Variants in MINAR1 observed in about 807,000 individuals in gnomAD.
MINAR1 encodes the protein membrane integral NOTCH2 associated receptor 1, also known as major intrinsically disordered Notch2-binding receptor 1.
MINAR1 carries 40 observed loss-of-function variants against 65.1 expected under a neutral mutation model. The observed-to-expected ratio is 0.61, with a 90% CI of 0.48 to 0.80. MINAR1 has a LOEUF of 0.80. Ranked by LOEUF, MINAR1 falls within the 30% of genes least tolerant of loss-of-function variation. The pLI is 0.00. For synonymous variants in MINAR1, 482 were observed against 449.1 expected, an observed-to-expected ratio of 1.07 and a Z score of -0.93; for missense variants, 1,128 against 1,148.0, an observed-to-expected ratio of 0.98 and a Z score of 0.25.
rs117139469 is a variant in MINAR1 at position 79,451,148 on chromosome 15, G to A, written c.-50-4950G>A. ...TCCGACTTATTAAATGGGGCTTCTT[G>A]GTCCCAAAATCTGGAGGCCCATGGT... On this transcript the variant is annotated intron_variant, in intron 1 of 3. Coordinates refer to ENST00000305428, the MANE Select transcript of MINAR1 (RefSeq NM_015206.3). 1.1e-3 allele frequency among the ~76,000 whole-genome samples: 173 copies of A among 152,202 alleles called. 3 individuals are homozygous for A. The East Asian group carries it at 0.026, about 23-fold the overall frequency.
chr15:79,455,027 TAAG>T (rs751972303), intron 1 of MINAR1, among the ~76,000 whole-genome samples: 8 of 152,198 alleles, frequency 5.3e-5, no homozygotes, highest in African/African-American at 1.2e-4. Context: ...ATCAAAAAAA[TAAG>T]AAAGCTTGAT....
rs1359986200 is a variant in MINAR1 at position 79,432,355 on chromosome 15, G to T, written c.-236G>T. Among the ~76,000 whole-genome samples the T allele has an allele frequency of 2.6e-5, 4 of 152,106 alleles. No homozygotes were observed. Among genetic ancestry groups the T allele is most frequent in the African/African-American group, 9.7e-5 (4 of 41,430 alleles). On this transcript the variant is annotated 5_prime_UTR_variant, in exon 1 of 4. Transcript: ENST00000305428. ...GAGCGCAGACCTGGACTCGGGCGGCGGAGGCGAAAGTCGCTCCATCCGCGG... is the reference window on the plus strand; with the variant it reads ...GAGCGCAGACCTGGACTCGGGCGGCTGAGGCGAAAGTCGCTCCATCCGCGG...
chr15:79,459,738 TC>T (rs1338867194), intron 2 of MINAR1, among the ~76,000 whole-genome samples: 1 of 152,044 alleles, frequency 6.6e-6, no homozygotes, highest in Non-Finnish European at 1.5e-5. Flanking sequence ...GTATTTAAAA[TC>T]CCCCTGATTT....
At chr15:79,465,274 A>C (rs551806874) in intron 3 of MINAR1, among the ~76,000 whole-genome samples, 1 of 152,122 alleles carries the variant, frequency 6.6e-6, no homozygotes, top group African/African-American at 2.4e-5. Flanking sequence ...TTTTCTTTTC[A>C]TCTCTTTGCA....
the MINAR1 span, chr15:79,424,547 G>T: frequency 6.6e-6 from 1 of 152,206 alleles, no homozygotes; most frequent in South Asian, 2.1e-4. Flanking sequence ...CCCTGCTGCA[G>T]CGTGAGGATA....
chr15:79,411,541 G>C, the MINAR1 span: 1 of 700,402 alleles, frequency 1.4e-6, no homozygotes, highest in Non-Finnish European at 2.6e-6. Context: ...AGTGGATGGA[G>C]GGAAGACACA....
At chr15:79,421,811 C>G in the MINAR1 span, 2 of 152,378 alleles carry the variant, frequency 1.3e-5, no homozygotes, top group Admixed American at 1.3e-4. Flanking sequence ...GAGCACTTCT[C>G]CAGGGAAGGC....
In MINAR1 at chr15:79,472,282, A is replaced by G. The variant is rs1222945145; in HGVS notation, c.*3898A>G. ...ATTGGCCTCTCCAAATATAATCAGA[A>G]ATAAACCGAAAAAAATATAAAATGT... On this transcript the variant is annotated 3_prime_UTR_variant, in exon 4 of 4. Transcript: ENST00000305428. 6.6e-6 allele frequency: 1 copy of G among 152,356 alleles called. No individual in the cohort carries two copies. Among genetic ancestry groups the G allele is most frequent in the Non-Finnish European group, 1.5e-5 (1 of 67,884 alleles). 9.4% of individuals were successfully genotyped at this position (152,356 alleles called of 1,614,324 possible).
Position 79,456,373 on chromosome 15 carries a change from C to T in MINAR1, c.226C>T (p.Gln76Ter). The change falls in exon 2 of 4, where the codon CAG becomes TAG. Residue 76 changes from glutamine (Q) to a stop codon, truncating the protein, a stop_gained. Transcript: ENST00000305428. LOFTEE classifies it high-confidence loss of function. ...KDKMKCTVNN[Q>*]QSKKIMVAAD... ...CAAGATGAAATGCACTGTGAATAAC[C>T]AGCAATCAAAGAAAATCATGGTGGC... 5.6e-6 allele frequency: 9 copies of T among 1,614,202 alleles called. No homozygotes were observed. The highest frequency in any genetic ancestry group is 7.6e-6 in the Non-Finnish European group (9 of 1,180,040).
rs563792096 is a variant in MINAR1, at chr15:79,458,214, C to T, written c.2067C>T (p.Ser689=). The T allele has an allele frequency of 6.2e-7, 1 of 1,614,050 alleles. No individual in the cohort carries two copies. Among genetic ancestry groups the T allele is most frequent in the East Asian group, 2.2e-5 (1 of 44,862 alleles). Residue 689 remains serine, a synonymous_variant, in exon 2 of 4, where the codon AGC becomes AGT. Coordinates refer to ENST00000305428, the MANE Select transcript of MINAR1 (RefSeq NM_015206.3). The stretch of plus-strand genomic sequence containing the variant: ...GGTGCTGCTCTGATGCTAGCGGGAG[C>T]AACAGTGAAAGCCTGCGGGTCAAGG... ...PDWCCSDASG[S]NSESLRVKAL...
the MINAR1 span, chr15:79,416,689 A>G: frequency 1.5e-4 from 23 of 152,166 alleles, no homozygotes; most frequent in Admixed American, 1.4e-3. Flanking sequence ...GTGAGACTAA[A>G]TCTAACAATC....
At chr15:79,441,675 A>G (rs982541620) in intron 1 of MINAR1, among the ~76,000 whole-genome samples, 4 of 152,144 alleles carry the variant, frequency 2.6e-5, no homozygotes, top group Admixed American at 2.6e-4. Flanking sequence ...CCAGGAATAC[A>G]TGGGAGTGCC....
At chr15:79,449,056 G>GA (rs545292852) in intron 1 of MINAR1, among the ~76,000 whole-genome samples, 15 of 151,898 alleles carry the variant, frequency 9.9e-5, no homozygotes, top group Non-Finnish European at 2.1e-4. Context: ...AGGGTAATGG[G>GA]AAAAAAAATC....
chr15:79,422,532 G>C, the MINAR1 span: 1 of 147,444 alleles, frequency 6.8e-6, no homozygotes, highest in Non-Finnish European at 1.5e-5. Context: ...TGGGCAACGA[G>C]AGTGAAACTC....
intron 1 of MINAR1, among the ~76,000 whole-genome samples, chr15:79,432,826 G>A (rs1227597337): frequency 1.3e-5 from 2 of 152,186 alleles, no homozygotes; most frequent in East Asian, 1.9e-4. Flanking sequence ...GAGAAGCCAC[G>A]GAAGATGATC....
At chr15:79,434,869 G>A (rs1894550380) in intron 1 of MINAR1, among the ~76,000 whole-genome samples, 1 of 149,062 alleles carries the variant, frequency 6.7e-6, no homozygotes, top group African/African-American at 2.6e-5. Context: ...TTTAATGCAT[G>A]CTTGTTTTCA....
chr15:79,428,176 C>T (rs1228470191), upstream of MINAR1, among the ~76,000 whole-genome samples: 1 of 149,132 alleles, frequency 6.7e-6, no homozygotes, highest in Non-Finnish European at 1.5e-5. Flanking sequence ...CTCCTTCCTT[C>T]CTCCCTCCCT....
At position 79,449,072 on chromosome 15, in the gene MINAR1, T is replaced by A. The variant is rs143392127; in HGVS notation, c.-50-7026T>A. Among the ~76,000 whole-genome samples the A allele has an allele frequency of 3.2e-3, 494 of 152,232 alleles. 5 individuals carry two copies. Among genetic ancestry groups the A allele is most frequent in the African/African-American group, 0.011 (471 of 41,518 alleles). On this transcript the variant is annotated intron_variant, in intron 1 of 3. Coordinates refer to ENST00000305428, the MANE Select transcript of MINAR1 (RefSeq NM_015206.3). The stretch of plus-strand genomic sequence containing the variant: ...GGGTAATGGGAAAAAAAATCAGGCA[T>A]CTGGTTCTGGCCTTTCCCAAACTAC...
chr15:79,428,205 CCTT>C (rs1171292696), upstream of MINAR1, among the ~76,000 whole-genome samples: 1 of 127,838 alleles, frequency 7.8e-6, no homozygotes, highest in Non-Finnish European at 1.7e-5. Context: ...TCTCTTCTTC[CCTT>C]CTTTCCTTCC....
Sources: gnomAD v4.1 joint callset for allele counts (sites outside exome capture counted in the v4.1 genomes callset) on GRCh38, gnomAD v4.1.1 for gene constraint, MANE v1.5 for transcripts, NCBI Gene and HGNC (gene_info 2026-07-23, HGNC 2026-07-21) for gene names.